Variants in MAGI1 observed in about 807,000 individuals in gnomAD.
MAGI1 encodes membrane-associated guanylate kinase, WW and PDZ domain-containing protein 1.
MAGI1 carries 58 observed loss-of-function variants against 139.9 expected under a neutral mutation model. The ratio of observed to expected loss-of-function variants is 0.41; its 90% CI spans 0.34 to 0.52. The LOEUF (loss-of-function observed/expected upper bound fraction) is 0.52, where lower values mean the gene tolerates loss of function less well. Among genes scored for constraint, MAGI1 ranks in the 20% least tolerant of loss-of-function variants. The pLI, the probability that MAGI1 is intolerant of heterozygous loss-of-function variation, is 0.12. For synonymous variants in MAGI1, 812 were observed against 737.9 expected (o/e 1.10, Z -1.63); for missense variants, 1,874 against 1,901.6 (o/e 0.99, Z 0.27).
intron 1 of MAGI1, among the ~76,000 whole-genome samples, chr3:65,870,715 T>TG (rs1371526516): frequency 7.6e-6 from 1 of 130,764 alleles, no homozygotes; most frequent in Non-Finnish European, 1.5e-5. Context: ...ACCATTTTAG[T>TG]GAAAAAAAAA....
intron 1 of MAGI1, among the ~76,000 whole-genome samples, chr3:65,963,936 T>A (rs969176803): frequency 6.6e-6 from 1 of 152,190 alleles, no homozygotes; most frequent in African/African-American, 2.4e-5. Flanking sequence ...GATTAAGAAA[T>A]TTGTCTGAGA....
Position 65,430,641 on chromosome 3 carries a change from T to C in MAGI1, c.1546+58A>G, listed in dbSNP as rs1041048457. On this transcript the variant is annotated intron_variant, in intron 11 of 22. Transcript: ENST00000402939. ...CAAACAACATCATGATTGCACATGTTTATCTCCTGGATTGGAGTCTCACCA... is the reference window on the plus strand; with the variant it reads ...CAAACAACATCATGATTGCACATGTCTATCTCCTGGATTGGAGTCTCACCA... 3 of 1,552,698 alleles carry C rather than the reference T, an allele frequency of 1.9e-6. No homozygotes were observed. The African/African-American group carries it at 4.1e-5, about 21-fold the overall frequency.
chr3:66,007,277 AT>A (rs2067074096), intron 1 of MAGI1, among the ~76,000 whole-genome samples: 1 of 152,178 alleles, frequency 6.6e-6, no homozygotes, highest in East Asian at 1.9e-4. Context: ...GTTCTATCTC[AT>A]TGTCTCCTTT....
intron 1 of MAGI1, among the ~76,000 whole-genome samples, chr3:65,673,777 A>G (rs1576678563): frequency 6.6e-6 from 1 of 152,224 alleles, no homozygotes; most frequent in Admixed American, 6.5e-5. Context: ...GAGATTTGTA[A>G]ATTATATTAT....
At chr3:65,870,195 G>A (rs1452345669) in intron 1 of MAGI1, among the ~76,000 whole-genome samples, 1 of 151,868 alleles carries the variant, frequency 6.6e-6, no homozygotes, top group African/African-American at 2.4e-5. Flanking sequence ...GGCAGGGACT[G>A]AACTTAATTT....
intron 1 of MAGI1, among the ~76,000 whole-genome samples, chr3:65,713,998 A>G (rs2031869145): frequency 6.6e-6 from 1 of 152,232 alleles, no homozygotes; most frequent in Non-Finnish European, 1.5e-5. Flanking sequence ...CAAAAAAATC[A>G]TAAAAAGCAC....
chr3:65,806,468 A>T (rs1476269018), intron 1 of MAGI1, among the ~76,000 whole-genome samples: 2 of 152,174 alleles, frequency 1.3e-5, no homozygotes, highest in African/African-American at 4.8e-5. Flanking sequence ...CTGTGTTTTA[A>T]TAGGGCAAAC....
intron 1 of MAGI1, among the ~76,000 whole-genome samples, chr3:65,742,233 C>G (rs1192081323): frequency 6.6e-6 from 1 of 152,096 alleles, no homozygotes; most frequent in East Asian, 1.9e-4. Context: ...GGAGCACTTT[C>G]AATGAATCAG....
At chr3:66,013,429 A>G (rs1227081709) in intron 1 of MAGI1, among the ~76,000 whole-genome samples, 1 of 150,150 alleles carries the variant, frequency 6.7e-6, no homozygotes, top group Non-Finnish European at 1.5e-5. Context: ...AGAAAAAAAA[A>G]AAAGAACTTC....
At chr3:65,372,213 G>A (rs1942072195) in intron 18 of MAGI1, among the ~76,000 whole-genome samples, 1 of 152,152 alleles carries the variant, frequency 6.6e-6, no homozygotes, top group African/African-American at 2.4e-5. Context: ...TGATCCACGA[G>A]TTGCAGAATG....
intron 1 of MAGI1, among the ~76,000 whole-genome samples, chr3:65,746,082 C>A (rs978936318): frequency 3.3e-5 from 5 of 152,162 alleles, no homozygotes; most frequent in African/African-American, 1.2e-4. Context: ...GTCACCCAGG[C>A]TGCAGTACAG....
At chr3:65,821,977 C>T (rs1017324136) in intron 1 of MAGI1, among the ~76,000 whole-genome samples, 9 of 152,160 alleles carry the variant, frequency 5.9e-5, no homozygotes, top group Non-Finnish European at 1.0e-4. Context: ...CAGATCACTC[C>T]TTTTATTCAT....
At chr3:65,555,546 G>A (rs2080045680) in intron 2 of MAGI1, among the ~76,000 whole-genome samples, 1 of 152,080 alleles carries the variant, frequency 6.6e-6, no homozygotes, top group Admixed American at 6.5e-5. Context: ...ATAGGTGAGA[G>A]GTGGTGCCAT....
chr3:65,380,261 C>A (rs1283296734), intron 16 of MAGI1, among the ~76,000 whole-genome samples: 2 of 152,158 alleles, frequency 1.3e-5, no homozygotes, highest in African/African-American at 2.4e-5. Flanking sequence ...ACCAACTATG[C>A]CAAAAAACAA....
chr3:65,475,811 C>T (rs1315872052), intron 4 of MAGI1, among the ~76,000 whole-genome samples: 1 of 151,916 alleles, frequency 6.6e-6, no homozygotes, highest in African/African-American at 2.4e-5. Context: ...ATGCTTCTGG[C>T]CAATAGGCTC....
At chr3:65,363,055 T>C (rs984881553) in intron 21 of MAGI1, among the ~76,000 whole-genome samples, 10 of 151,906 alleles carry the variant, frequency 6.6e-5, no homozygotes, top group African/African-American at 2.4e-4. Context: ...AGAGGATAAG[T>C]AGACCTCACT....
At chr3:65,579,410 C>T (rs895070054) in intron 2 of MAGI1, among the ~76,000 whole-genome samples, 3 of 152,124 alleles carry the variant, frequency 2.0e-5, no homozygotes, top group Non-Finnish European at 4.4e-5. Context: ...ATTACCCATG[C>T]CCTATGACTA....
At chr3:65,470,990 T>G (rs959074395) in intron 4 of MAGI1, among the ~76,000 whole-genome samples, 3 of 152,222 alleles carry the variant, frequency 2.0e-5, no homozygotes, top group African/African-American at 4.8e-5. Flanking sequence ...ATATTTTTGG[T>G]AGACACTGGC....
chr3:65,375,070 C>A (rs1559505570), intron 18 of MAGI1, among the ~76,000 whole-genome samples: 3 of 152,056 alleles, frequency 2.0e-5, no homozygotes, highest in African/African-American at 7.2e-5. Context: ...TATAATACAG[C>A]TCATATTATA....
Sources: allele counts gnomAD v4.1 joint callset (sites outside exome capture counted in the v4.1 genomes callset), GRCh38; gene constraint gnomAD v4.1.1; transcripts MANE v1.5; gene names NCBI Gene and HGNC (gene_info 2026-07-23, HGNC 2026-07-21).